Variants in LARP1 observed in about 807,000 individuals in gnomAD.
LARP1 encodes the protein La ribonucleoprotein 1, translational regulator.
A neutral mutation model predicts 122.7 loss-of-function variants in LARP1; 36 were observed. That is an observed-to-expected ratio of 0.29 (90% CI 0.22 to 0.39). LARP1 has a LOEUF of 0.39. Among genes scored for constraint, LARP1 ranks in the 10% least tolerant of loss-of-function variants. The pLI, the probability that LARP1 is intolerant of heterozygous loss-of-function variation, is 1.00. For missense variants in LARP1, 1,040 were observed against 1,403.6 expected, an observed-to-expected ratio of 0.74 and a Z score of 4.14; for synonymous variants, 539 against 528.7, an observed-to-expected ratio of 1.02 and a Z score of -0.27.
At chr5:154,774,278 C>T (rs1010805081) in intron 1 of LARP1, among the ~76,000 whole-genome samples, 3 of 152,138 alleles carry the variant, frequency 2.0e-5, no homozygotes, top group African/African-American at 7.2e-5. Flanking sequence ...CTGGATGGAT[C>T]CAGGGAAGCC....
upstream of LARP1, among the ~76,000 whole-genome samples, chr5:154,710,533 G>C (rs1165348286): frequency 3.3e-5 from 5 of 152,000 alleles, no homozygotes; most frequent in African/African-American, 4.8e-5. Context: ...CATGAGGTCA[G>C]GAGTTCGAGA....
intron 4 of LARP1, 132 bp from the exon 5 acceptor site, chr5:154,793,463 A>C: frequency 8.9e-7 from 1 of 1,122,092 alleles, no homozygotes; most frequent in Non-Finnish European, 1.3e-6. Flanking sequence ...AATGTGTGGG[A>C]AAGGGATCTG....
At chr5:154,729,533 C>A in intron 1 of LARP1, 1 of 430,326 alleles carries the variant, frequency 2.3e-6, no homozygotes, top group Non-Finnish European at 4.5e-6. Flanking sequence ...ACATAGCTTC[C>A]TGAAAAGTGT....
At chr5:154,756,696 G>C (rs1370250198) in intron 1 of LARP1, among the ~76,000 whole-genome samples, 1 of 152,276 alleles carries the variant, frequency 6.6e-6, no homozygotes, top group African/African-American at 2.4e-5. Context: ...CACGGATGCG[G>C]GGATTAAAAG....
intron 18 of LARP1, among the ~76,000 whole-genome samples, chr5:154,812,971 T>C (rs967045777): frequency 6.6e-6 from 1 of 152,150 alleles, no homozygotes; most frequent in Admixed American, 6.5e-5. Flanking sequence ...GATCGAGATT[T>C]GGGTGGAGAC....
chr5:154,787,033 C>T lies in LARP1; in HGVS notation c.437-3292C>T, dbSNP rs143172129. 4.9e-3 allele frequency among the ~76,000 whole-genome samples: 742 copies of T among 152,308 alleles called. 2 individuals are homozygous for T. The highest frequency in any genetic ancestry group is 7.9e-3 in the Non-Finnish European group (536 of 68,028). On this transcript the variant is annotated intron_variant, in intron 1 of 18. Coordinates refer to ENST00000518297, the MANE Select transcript of LARP1 (RefSeq NM_033551.3). ...TAGCTGGAATTACAGGCATGTGCCA[C>T]CACACCTAGCTAATTTTGTAATTTT...
chr5:154,736,536 T>TTTTTTTTTTTA (rs552562542), intron 1 of LARP1, among the ~76,000 whole-genome samples: 1 of 133,162 alleles, frequency 7.5e-6, no homozygotes, highest in African/African-American at 2.9e-5. Context: ...CCTGGCCTAT[T>TTTTTTTTTTTA]TTTATTTATT....
At chr5:154,689,103 G>C (rs1754072234) in intron 1 of LARP1, among the ~76,000 whole-genome samples, 1 of 151,940 alleles carries the variant, frequency 6.6e-6, no homozygotes, top group South Asian at 2.1e-4. Context: ...TGGATCACCT[G>C]AGGTCAGGAG....
At chr5:154,789,201 A>T (rs1421958845) in intron 1 of LARP1, among the ~76,000 whole-genome samples, 2 of 135,940 alleles carry the variant, frequency 1.5e-5, no homozygotes, top group East Asian at 4.4e-4. Context: ...ACAGAGCGAG[A>T]CTCTGTCTCA....
chr5:154,771,656 G>A (rs1229012204), intron 1 of LARP1, among the ~76,000 whole-genome samples: 1 of 152,222 alleles, frequency 6.6e-6, no homozygotes, highest in Non-Finnish European at 1.5e-5. Context: ...GCCCAGCCTA[G>A]ACGCCTCAAC....
intron 15 of LARP1, among the ~76,000 whole-genome samples, chr5:154,806,333 G>T (rs915705131): frequency 2.0e-5 from 3 of 152,136 alleles, no homozygotes; most frequent in Non-Finnish European, 4.4e-5. Context: ...GCCATTGTCA[G>T]GTCTAGTCCA....
intron 1 of LARP1, among the ~76,000 whole-genome samples, chr5:154,785,547 A>G (rs774763497): frequency 6.6e-5 from 10 of 152,108 alleles, no homozygotes; most frequent in Non-Finnish European, 1.0e-4. Context: ...TATGACTTCA[A>G]TTTTACAGAG....
At position 154,693,995 on chromosome 5, in the gene LARP1, A is replaced by G. The variant is rs529383799; in HGVS notation, c.-180+10958A>G. On this transcript the variant is annotated intron_variant, in intron 1 of 18. Coordinates refer to the LARP1 transcript ENST00000687700. ...AGGCCTATAAGAACTAGCTTCAGTTACGAAAAGTTCAGGGGATAGAGGAAC... is the reference window on the plus strand; with the variant it reads ...AGGCCTATAAGAACTAGCTTCAGTTGCGAAAAGTTCAGGGGATAGAGGAAC... Among the ~76,000 whole-genome samples, 8 of 152,350 alleles carry G rather than the reference A, an allele frequency of 5.3e-5. No homozygotes were observed. The South Asian group carries it at 1.2e-3, about 24-fold the overall frequency.
intron 8 of LARP1, 32 bp downstream of exon 8, chr5:154,795,351 G>C (rs775473161): frequency 6.2e-7 from 1 of 1,607,544 alleles, no homozygotes; most frequent in South Asian, 1.1e-5. Flanking sequence ...TGGGATGCAG[G>C]GGAAAGAAAG....
intron 1 of LARP1, among the ~76,000 whole-genome samples, chr5:154,721,109 G>A (rs1024208894): frequency 4.6e-5 from 7 of 152,052 alleles, no homozygotes; most frequent in African/African-American, 1.4e-4. Context: ...TTGGGAAGCT[G>A]AGGTGGGAGG....
chr5:154,700,358 A>C (rs1182993831), intron 1 of LARP1, among the ~76,000 whole-genome samples: 1 of 151,802 alleles, frequency 6.6e-6, no homozygotes, highest in African/African-American at 2.4e-5. Flanking sequence ...GTTTTTTCAT[A>C]TTAATTTTCA....
intron 1 of LARP1, among the ~76,000 whole-genome samples, chr5:154,695,716 T>C (rs1046477756): frequency 6.6e-6 from 1 of 151,428 alleles, no homozygotes; most frequent in African/African-American, 2.4e-5. Context: ...CTATTAAAAA[T>C]ACAAAAAGTA....
At chr5:154,769,411 C>A (rs1015573084) in intron 1 of LARP1, among the ~76,000 whole-genome samples, 1 of 152,228 alleles carries the variant, frequency 6.6e-6, no homozygotes, top group African/African-American at 2.4e-5. Flanking sequence ...GGACAGCAGA[C>A]TGCCTAGCTC....
intron 3 of LARP1, 59 bp downstream of exon 3, chr5:154,790,769 T>C (rs1391137474): frequency 7.2e-7 from 1 of 1,398,346 alleles, no homozygotes; most frequent in Non-Finnish European, 1.0e-6. Flanking sequence ...CACATTTAGC[T>C]CCTCAAGCTT....
Sources: gnomAD v4.1 joint callset for allele counts (sites outside exome capture counted in the v4.1 genomes callset) on GRCh38, gnomAD v4.1.1 for gene constraint, MANE v1.5 for transcripts, NCBI Gene and HGNC (gene_info 2026-07-23, HGNC 2026-07-21) for gene names.